The following NAV3 variants were observed in gnomAD, a reference collection of about 807,000 sequenced individuals.
NAV3 encodes neuron navigator 3.
In NAV3, 87 loss-of-function variants were observed where a neutral mutation model predicts 244.7. The observed-to-expected ratio is 0.36, with a 90% CI of 0.30 to 0.42. The LOEUF (loss-of-function observed/expected upper bound fraction) is 0.42, where lower values mean the gene tolerates loss of function less well. Among genes scored for constraint, NAV3 ranks in the 20% least tolerant of loss-of-function variants. The probability of loss-of-function intolerance (pLI) is 1.00; values close to 1 mark genes in which losing one functional copy is unlikely to be tolerated. For missense variants in NAV3, 2,663 were observed against 2,893.3 expected, an observed-to-expected ratio of 0.92 and a Z score of 1.83; for synonymous variants, 1,126 against 1,042.2, an observed-to-expected ratio of 1.08 and a Z score of -1.55.
At chr12:77,976,386 C>G (rs998710770) in intron 5 of NAV3, among the ~76,000 whole-genome samples, 5 of 151,980 alleles carry the variant, frequency 3.3e-5, no homozygotes, top group African/African-American at 1.2e-4. Context: ...AGAACTGAGG[C>G]CTTGGATCAG....
intron 2 of NAV3, among the ~76,000 whole-genome samples, chr12:77,722,165 T>A (rs1030744063): frequency 5.3e-5 from 8 of 152,054 alleles, no homozygotes; most frequent in Non-Finnish European, 7.4e-5. Context: ...TCTTGTTGGG[T>A]TGTTAGAATG....
intron 12 of NAV3, among the ~76,000 whole-genome samples, chr12:78,098,564 C>A (rs1024674531): frequency 6.6e-6 from 1 of 151,664 alleles, no homozygotes; most frequent in Non-Finnish European, 1.5e-5. Context: ...GAGGAGAAAT[C>A]AAATTATATC....
At chr12:78,181,185 A>T (rs1314156047) in intron 30 of NAV3, 140 bp downstream of exon 30, 1 of 716,836 alleles carries the variant, frequency 1.4e-6, no homozygotes, top group Non-Finnish European at 2.2e-6. Flanking sequence ...TGATCTTATA[A>T]ATCTAGTCTA....
At chr12:77,879,924 AG>A (rs1882410399) in intron 1 of NAV3, among the ~76,000 whole-genome samples, 1 of 152,180 alleles carries the variant, frequency 6.6e-6, no homozygotes, top group Admixed American at 6.6e-5. Flanking sequence ...TTGTGCTTCC[AG>A]GACATTGGTT....
At chr12:78,127,316 G>A (rs1023692555) in intron 17 of NAV3, 108 bp downstream of exon 17, 2 of 1,107,258 alleles carry the variant, frequency 1.8e-6, no homozygotes, top group Admixed American at 4.1e-5. Context: ...TGACATTGAG[G>A]ACGAAATCAC....
chr12:77,978,872 TC>T (rs1208234424), intron 5 of NAV3, among the ~76,000 whole-genome samples: 1 of 151,996 alleles, frequency 6.6e-6, no homozygotes, highest in East Asian at 1.9e-4. Context: ...TTGACTGTAT[TC>T]ATTACAATTT....
intron 12 of NAV3, among the ~76,000 whole-genome samples, chr12:78,086,156 A>G (rs1322379089): frequency 1.3e-5 from 2 of 152,124 alleles, no homozygotes; most frequent in East Asian, 3.8e-4. Flanking sequence ...TATGCCTATA[A>G]AATGTTCAGA....
In NAV3 at chr12:77,985,247, A is replaced by G. The variant is rs192943900; in HGVS notation, c.672-9556A>G. On this transcript the variant is annotated intron_variant, in intron 5 of 39. Coordinates refer to ENST00000397909, the MANE Select transcript of NAV3 (RefSeq NM_001024383.2). The stretch of plus-strand genomic sequence containing the variant: ...AATCTTTCTGACACAGTGCCAGTAC[A>G]TCGGAGGTGGTCAATAAAAGTCTTT... Among the ~76,000 whole-genome samples, 409 of 152,336 alleles carry G rather than the reference A, an allele frequency of 2.7e-3. 1 individual carries two copies. The highest frequency in any genetic ancestry group is 4.2e-3 in the Non-Finnish European group (283 of 68,020).
At chr12:78,078,838 C>T (rs1043879363) in intron 12 of NAV3, among the ~76,000 whole-genome samples, 38 of 152,008 alleles carry the variant, frequency 2.5e-4, no homozygotes, top group African/African-American at 9.2e-4. Context: ...TTCAAAACAC[C>T]CAGAAGATAA....
rs1882694436 is a variant in NAV3 at position 78,051,128 on chromosome 12, A to G, written c.2497A>G (p.Thr833Ala). 6.2e-7 allele frequency: 1 copy of G among 1,608,532 alleles called. No individual in the cohort carries two copies. Among genetic ancestry groups the G allele is most frequent in the African/African-American group, 1.3e-5 (1 of 74,846 alleles). The change falls in exon 11 of 40, where the codon ACT becomes GCT. Residue 833 changes from threonine (T) to alanine (A), a missense_variant. By Grantham distance (58) the Thr-to-Ala change is moderately conservative. Coordinates refer to ENST00000397909, the MANE Select transcript of NAV3 (RefSeq NM_001024383.2). ...TGATATCCTTGGGAAAAGTCTCAGG[A>G]CTGATGACATCAACAGTGGGTAAGT... ...DGDILGKSLR[T>A]DDINSGYMTD...
chr12:77,977,557 T>C (rs1868679059), intron 5 of NAV3, among the ~76,000 whole-genome samples: 1 of 152,242 alleles, frequency 6.6e-6, no homozygotes, highest in East Asian at 1.9e-4. Context: ...TATCGGCACT[T>C]TTATTTTTTT....
At chr12:77,592,643 T>G (rs1869960263) in intron 2 of NAV3, among the ~76,000 whole-genome samples, 1 of 152,184 alleles carries the variant, frequency 6.6e-6, no homozygotes, top group Non-Finnish European at 1.5e-5. Context: ...TTACTAGTCA[T>G]TTGGTGTGAT....
At chr12:78,080,735 T>C (rs1436592570) in intron 12 of NAV3, among the ~76,000 whole-genome samples, 3 of 152,234 alleles carry the variant, frequency 2.0e-5, no homozygotes, top group African/African-American at 7.2e-5. Flanking sequence ...CGAGGTACCC[T>C]GGACTCTTTT....
In NAV3 at chr12:78,073,786, A is replaced by G. The variant is rs969646915; in HGVS notation, c.2636+14671A>G. 2.0e-5 allele frequency among the ~76,000 whole-genome samples: 3 copies of G among 152,196 alleles called. No homozygotes were observed. The East Asian group carries it at 5.8e-4, about 29-fold the overall frequency. On this transcript the variant is annotated intron_variant, in intron 12 of 39. Transcript: ENST00000397909. ...GGAGGCATCACACTACCTGACTTCA[A>G]ACTATACTACAAGGCTACAGTAACC...
rs2138617315 is a variant in NAV3, at chr12:78,119,544, T to G, written c.3348T>G (p.Gly1116=). Reference sequence around the variant, plus strand: ...CAGGGAGAAAAACCAGTTTGGACGGTTCACAGAATCAGGATGATGTTGTGC... The same window carrying G: ...CAGGGAGAAAAACCAGTTTGGACGGGTCACAGAATCAGGATGATGTTGTGC... ...SNAGRKTSLD[G]SQNQDDVVLH... is the part of the protein sequence containing the mutation. The change falls in exon 15 of 40, where the codon GGT becomes GGG. Residue 1116 remains glycine, a synonymous_variant. Coordinates refer to ENST00000397909, the MANE Select transcript of NAV3 (RefSeq NM_001024383.2). The G allele has an allele frequency of 6.2e-7, 1 of 1,614,164 alleles. No homozygotes were observed. Among genetic ancestry groups the G allele is most frequent in the Non-Finnish European group, 8.5e-7 (1 of 1,180,030 alleles).
At chr12:77,770,246 G>A (rs1250575886) in intron 2 of NAV3, among the ~76,000 whole-genome samples, 1 of 152,126 alleles carries the variant, frequency 6.6e-6, no homozygotes, top group African/African-American at 2.4e-5. Context: ...GGAGTGATGG[G>A]TGAAATCCCA....
At chr12:77,659,442 T>C (rs1455567339) in intron 2 of NAV3, among the ~76,000 whole-genome samples, 1 of 152,164 alleles carries the variant, frequency 6.6e-6, no homozygotes, top group Non-Finnish European at 1.5e-5. Context: ...ATGGTGATCA[T>C]TAAAAAGTCA....
intron 1 of NAV3, among the ~76,000 whole-genome samples, chr12:77,890,696 A>C (rs1321710220): frequency 6.6e-6 from 1 of 152,208 alleles, no homozygotes; most frequent in African/African-American, 2.4e-5. Flanking sequence ...ATATCCAGAA[A>C]TTACAATATA....
intron 30 of NAV3, among the ~76,000 whole-genome samples, chr12:78,185,011 AT>A (rs1299383055): frequency 2.0e-5 from 3 of 151,788 alleles, no homozygotes; most frequent in African/African-American, 7.2e-5. Flanking sequence ...TAGAAATACT[AT>A]TTTGGTTTTG....
Sources: allele counts gnomAD v4.1 joint callset (sites outside exome capture counted in the v4.1 genomes callset), GRCh38; gene constraint gnomAD v4.1.1; transcripts MANE v1.5; gene names NCBI Gene and HGNC (gene_info 2026-07-23, HGNC 2026-07-21).